Variants in SPATA13 observed in about 807,000 individuals in gnomAD.
SPATA13 encodes the protein spermatogenesis-associated protein 13.
SPATA13 carries 50 observed loss-of-function variants against 104.0 expected under a neutral mutation model. That is an observed-to-expected ratio of 0.48 (90% CI 0.38 to 0.61). SPATA13 has a LOEUF of 0.61. Ranked by LOEUF, SPATA13 falls within the 20% of genes least tolerant of loss-of-function variation. The pLI is 0.00. For missense variants in SPATA13, 1,524 were observed against 1,690.6 expected (o/e 0.90, Z 1.73); for synonymous variants, 606 against 667.5 (o/e 0.91, Z 1.42).
At chr13:24,060,341 C>A (rs1878728977) in intron 3 of SPATA13, among the ~76,000 whole-genome samples, 1 of 152,174 alleles carries the variant, frequency 6.6e-6, no homozygotes, top group African/African-American at 2.4e-5. Context: ...GGAAAGAATT[C>A]TCTATTCAAT....
At chr13:24,132,333 A>G (rs1054598230) in intron 3 of SPATA13, among the ~76,000 whole-genome samples, 1 of 152,242 alleles carries the variant, frequency 6.6e-6, no homozygotes, top group Admixed American at 6.5e-5. Flanking sequence ...CATCATGCTC[A>G]GGCTTCAGTT....
intron 2 of SPATA13, among the ~76,000 whole-genome samples, chr13:24,242,776 T>A (rs377151248): frequency 5.0e-4 from 76 of 152,186 alleles, no homozygotes; most frequent in African/African-American, 1.7e-3. Flanking sequence ...TATGTAAATA[T>A]TTCCTTGTTC....
chr13:24,060,195 A>G (rs1276455427), intron 3 of SPATA13, among the ~76,000 whole-genome samples: 1 of 152,216 alleles, frequency 6.6e-6, no homozygotes, highest in African/African-American at 2.4e-5. Context: ...TTTTTTGGCT[A>G]GAGTAACCAA....
intron 11 of SPATA13, 24 bp downstream of exon 11, chr13:24,297,759 G>A (rs1195791471): frequency 6.3e-7 from 1 of 1,589,282 alleles, no homozygotes; most frequent in African/African-American, 1.3e-5. Context: ...GGCTCTGCAG[G>A]CACCTGTGCC....
At chr13:24,255,305 C>G (rs1168703431) in intron 4 of SPATA13, among the ~76,000 whole-genome samples, 1 of 152,112 alleles carries the variant, frequency 6.6e-6, no homozygotes, top group African/African-American at 2.4e-5. Context: ...CATCAAGAGG[C>G]CTGAGTCTGG....
chr13:24,181,531 G>T (rs1304193111), intron 1 of SPATA13, among the ~76,000 whole-genome samples: 1 of 150,360 alleles, frequency 6.7e-6, no homozygotes, highest in Non-Finnish European at 1.5e-5. Flanking sequence ...TTTTTGTTTT[G>T]TACTTTTTAA....
chr13:24,289,785 G>A lies in SPATA13; in HGVS notation c.2847+607G>A, dbSNP rs545083201. On this transcript the variant is annotated intron_variant, in intron 8 of 12. Transcript: ENST00000382108. ...TATGATTGACTATTACTACTTAACC[G>A]CTAAAGGATTTCAGAGGAAGATTTT... 1.1e-4 allele frequency among the ~76,000 whole-genome samples: 16 copies of A among 152,250 alleles called. No homozygotes were observed. The East Asian group carries it at 1.2e-3, about 11-fold the overall frequency.
At chr13:24,197,746 C>T (rs1275781207) in intron 1 of SPATA13, among the ~76,000 whole-genome samples, 2 of 152,042 alleles carry the variant, frequency 1.3e-5, no homozygotes, top group Non-Finnish European at 2.9e-5. Context: ...GCCTTATTTC[C>T]ATGTTCTGAC....
At chr13:24,114,313 T>A (rs1880753598) in intron 3 of SPATA13, among the ~76,000 whole-genome samples, 1 of 138,254 alleles carries the variant, frequency 7.2e-6, no homozygotes, top group Admixed American at 7.5e-5. Flanking sequence ...TAGAATTGAT[T>A]GAAAACCAAT....
intron 4 of SPATA13, among the ~76,000 whole-genome samples, chr13:24,280,245 C>G (rs1031477228): frequency 6.6e-6 from 1 of 152,168 alleles, no homozygotes; most frequent in Non-Finnish European, 1.5e-5. Flanking sequence ...TGTCTCTGTC[C>G]AGAGGTTTTT....
chr13:24,131,722 G>C (rs140622242), intron 3 of SPATA13, among the ~76,000 whole-genome samples: 1 of 152,164 alleles, frequency 6.6e-6, no homozygotes, highest in African/African-American at 2.4e-5. Flanking sequence ...TAGGAGTTTT[G>C]CTGAAGGATA....
intron 2 of SPATA13, among the ~76,000 whole-genome samples, chr13:24,228,090 T>A (rs1872049713): frequency 6.8e-6 from 1 of 147,910 alleles, no homozygotes; most frequent in Non-Finnish European, 1.5e-5. Flanking sequence ...AAAAATAGGG[T>A]TTCTCCCCTC....
intron 3 of SPATA13, among the ~76,000 whole-genome samples, chr13:24,055,158 A>G (rs1230553181): frequency 3.5e-4 from 54 of 152,250 alleles, no homozygotes; most frequent in Admixed American, 3.5e-3. Context: ...ATTCATGTGC[A>G]TATTTGTTAC....
rs1330515032 is a variant in SPATA13, at chr13:24,071,274, G to A, written c.-112+53573G>A. Among the ~76,000 whole-genome samples the A allele has an allele frequency of 2.6e-5, 4 of 152,348 alleles. 1 individual carries two copies. In the South Asian group the frequency reaches 6.2e-4, roughly 24 times the overall value. On this transcript the variant is annotated intron_variant, in intron 3 of 14. Coordinates refer to the SPATA13 transcript ENST00000424834. ...GAATGGAGGGCAGCAAGACCAAAGGGTGGGAAGCCAGACATTGTCTGAAGT... is the reference window on the plus strand; with the variant it reads ...GAATGGAGGGCAGCAAGACCAAAGGATGGGAAGCCAGACATTGTCTGAAGT...
At chr13:23,980,089 T>C (rs1309321931) in intron 1 of SPATA13, among the ~76,000 whole-genome samples, 3 of 151,730 alleles carry the variant, frequency 2.0e-5, no homozygotes, top group Admixed American at 6.6e-5. Flanking sequence ...GATAGAGCTA[T>C]AGGTGCGGTG....
At chr13:24,105,986 A>G (rs563345675) in intron 3 of SPATA13, among the ~76,000 whole-genome samples, 1 of 152,316 alleles carries the variant, frequency 6.6e-6, no homozygotes, top group South Asian at 2.1e-4. Context: ...ACTGTGAGAA[A>G]TACGTTTCTG....
chr13:24,151,500 A>C (rs1254221040), intron 3 of SPATA13, among the ~76,000 whole-genome samples: 2 of 152,220 alleles, frequency 1.3e-5, no homozygotes, highest in Non-Finnish European at 2.9e-5. Context: ...CAACCAACTT[A>C]TTTGACAGAG....
At chr13:24,111,219 T>G (rs1880627631) in intron 3 of SPATA13, among the ~76,000 whole-genome samples, 1 of 152,054 alleles carries the variant, frequency 6.6e-6, no homozygotes, top group South Asian at 2.1e-4. Flanking sequence ...AACTCCCTCT[T>G]TATTAATAAA....
intron 3 of SPATA13, among the ~76,000 whole-genome samples, chr13:24,042,431 T>C (rs1423961158): frequency 8.2e-6 from 1 of 121,430 alleles, no homozygotes; most frequent in Non-Finnish European, 1.7e-5. Flanking sequence ...GTGTTCACAG[T>C]GCTTCTGTTT....
Sources: gnomAD v4.1 joint callset for allele counts (sites outside exome capture counted in the v4.1 genomes callset) on GRCh38, gnomAD v4.1.1 for gene constraint, MANE v1.5 for transcripts, NCBI Gene and HGNC (gene_info 2026-07-23, HGNC 2026-07-21) for gene names.